KCNQ5: variants seen among roughly 807,000 people sequenced by gnomAD.
KCNQ5 encodes the protein potassium voltage-gated channel subfamily Q member 5, also known as potassium voltage-gated channel subfamily KQT member 5.
KCNQ5 carries 30 observed loss-of-function variants against 98.2 expected under a neutral mutation model. The ratio of observed to expected loss-of-function variants is 0.31; its 90% CI spans 0.23 to 0.41. The LOEUF is 0.41. Among genes scored for constraint, KCNQ5 ranks in the 10% least tolerant of loss-of-function variants. KCNQ5 has a pLI of 1.00. For synonymous variants in KCNQ5, 458 were observed against 449.4 expected (o/e 1.02, Z -0.24); for missense variants, 835 against 1,182.5 (o/e 0.71, Z 4.31).
chr6:72,766,913 G>T (rs187981858), intron 1 of KCNQ5, among the ~76,000 whole-genome samples: 1 of 151,932 alleles, frequency 6.6e-6, no homozygotes, highest in Non-Finnish European at 1.5e-5. Flanking sequence ...ACAGCATAAA[G>T]ATGGTATTTA....
At chr6:73,117,397 A>AT (rs909676808) in intron 7 of KCNQ5, among the ~76,000 whole-genome samples, 2 of 152,216 alleles carry the variant, frequency 1.3e-5, no homozygotes, top group African/African-American at 4.8e-5. Flanking sequence ...TTTAAAAGGC[A>AT]TTTTTGGGAG....
intron 1 of KCNQ5, among the ~76,000 whole-genome samples, chr6:72,786,735 G>A (rs895212568): frequency 2.5e-4 from 38 of 152,214 alleles, no homozygotes; most frequent in African/African-American, 7.5e-4. Flanking sequence ...GGCCGGGCGC[G>A]GTGGCTCACG....
intron 1 of KCNQ5, among the ~76,000 whole-genome samples, chr6:72,682,989 T>C (rs553599860): frequency 1.4e-4 from 22 of 152,334 alleles, no homozygotes; most frequent in African/African-American, 5.1e-4. Context: ...GAGGACAGCT[T>C]CTTTAAGGAT....
intron 1 of KCNQ5, among the ~76,000 whole-genome samples, chr6:72,924,242 G>T (rs953433416): frequency 3.3e-5 from 5 of 152,086 alleles, no homozygotes; most frequent in Admixed American, 2.0e-4. Context: ...GTGAACTCAT[G>T]ACAGATTTTT....
chr6:72,825,193 T>C (rs950758569), intron 1 of KCNQ5, among the ~76,000 whole-genome samples: 1 of 151,948 alleles, frequency 6.6e-6, no homozygotes, highest in Admixed American at 6.6e-5. Flanking sequence ...GGGCTGTCTT[T>C]TCCCCCTTCA....
At position 73,194,509 on chromosome 6, in the gene KCNQ5, C is replaced by G; in HGVS notation, c.1894C>G (p.Arg632Gly). 3 of 1,614,162 alleles carry G rather than the reference C, an allele frequency of 1.9e-6. No homozygotes were observed. The highest frequency in any genetic ancestry group is 2.5e-6 in the Non-Finnish European group (3 of 1,179,996). Reference sequence around the variant, plus strand: ...ACTAGACATCTATCAACAGGTCCTTCGGAAAGGCTCTGCCTCAGCCCTCGC... The same window carrying G: ...ACTAGACATCTATCAACAGGTCCTTGGGAAAGGCTCTGCCTCAGCCCTCGC... ...CLLDIYQQVL[R>G]KGSASALALA... The change falls in exon 14 of 14, where the codon CGG becomes GGG. Residue 632 changes from arginine (R) to glycine (G), a missense_variant. Arg to Gly is a moderately radical substitution (Grantham distance 125). This residue lies in a region of KCNQ5 where 416 missense variants were observed against 446.9 expected (regional missense o/e 0.93). Coordinates refer to ENST00000370398, the MANE Select transcript of KCNQ5 (RefSeq NM_019842.4).
At chr6:72,772,663 C>G (rs1356718483) in intron 1 of KCNQ5, among the ~76,000 whole-genome samples, 4 of 152,126 alleles carry the variant, frequency 2.6e-5, no homozygotes, top group Non-Finnish European at 5.9e-5. Flanking sequence ...TTCACTAAAT[C>G]CCACAAGATG....
chr6:72,770,754 ATT>A (rs1772828789), intron 1 of KCNQ5, among the ~76,000 whole-genome samples: 1 of 152,136 alleles, frequency 6.6e-6, no homozygotes, highest in South Asian at 2.1e-4. Flanking sequence ...TAGTTTTATC[ATT>A]TTCAGTTGTA....
At chr6:72,838,646 C>T (rs910433726) in intron 1 of KCNQ5, among the ~76,000 whole-genome samples, 1 of 152,056 alleles carries the variant, frequency 6.6e-6, no homozygotes, top group South Asian at 2.1e-4. Context: ...ATTCTCTAGA[C>T]GTCTGTTAGA....
chr6:72,808,166 A>G (rs769028451), intron 1 of KCNQ5, among the ~76,000 whole-genome samples: 3 of 152,190 alleles, frequency 2.0e-5, no homozygotes, highest in Admixed American at 6.6e-5. Flanking sequence ...GGCAAAGGAA[A>G]TGGAGAGAAG....
chr6:72,856,711 T>C (rs1319335223), intron 1 of KCNQ5, among the ~76,000 whole-genome samples: 1 of 152,216 alleles, frequency 6.6e-6, no homozygotes, highest in African/African-American at 2.4e-5. Context: ...TTTAAAAAAT[T>C]ATCTAATGAC....
At chr6:73,168,996 T>C (rs1182161391) in intron 10 of KCNQ5, among the ~76,000 whole-genome samples, 1 of 152,218 alleles carries the variant, frequency 6.6e-6, no homozygotes, top group East Asian at 1.9e-4. Context: ...CTATCCTCCA[T>C]CACAGGAATT....
intron 5 of KCNQ5, among the ~76,000 whole-genome samples, chr6:73,091,149 AG>A (rs1431925195): frequency 6.6e-6 from 1 of 152,238 alleles, no homozygotes; most frequent in Non-Finnish European, 1.5e-5. Flanking sequence ...GCCATAAAAA[AG>A]GATGAGTTCA....
intron 13 of KCNQ5, among the ~76,000 whole-genome samples, chr6:73,193,516 T>C (rs1339489827): frequency 1.5e-5 from 2 of 133,304 alleles, no homozygotes; most frequent in Non-Finnish European, 3.3e-5. Flanking sequence ...AAATATAAAA[T>C]AAATAAAAAT....
chr6:72,969,172 C>G (rs915712920), intron 1 of KCNQ5, among the ~76,000 whole-genome samples: 3 of 152,140 alleles, frequency 2.0e-5, no homozygotes, highest in Non-Finnish European at 4.4e-5. Context: ...TATATGTTTA[C>G]AACCAAATTT....
chr6:72,677,817 G>T (rs1490205572), intron 1 of KCNQ5, among the ~76,000 whole-genome samples: 1 of 152,256 alleles, frequency 6.6e-6, no homozygotes, highest in Admixed American at 6.5e-5. Flanking sequence ...AACATACAAA[G>T]TTGAGTGAGC....
intron 1 of KCNQ5, among the ~76,000 whole-genome samples, chr6:72,831,220 C>T (rs551714297): frequency 3.3e-5 from 5 of 152,320 alleles, no homozygotes; most frequent in African/African-American, 9.6e-5. Flanking sequence ...CCAGCCATCC[C>T]ATTACTGGGT....
chr6:73,132,165 G>A (rs1029169311), intron 9 of KCNQ5, among the ~76,000 whole-genome samples: 10 of 152,186 alleles, frequency 6.6e-5, no homozygotes, highest in Admixed American at 2.0e-4. Context: ...GGACATTGCG[G>A]TAAGTGGACA....
chr6:72,652,992 A>G (rs561423596), intron 1 of KCNQ5, among the ~76,000 whole-genome samples: 2 of 152,236 alleles, frequency 1.3e-5, no homozygotes, highest in Admixed American at 1.3e-4. Flanking sequence ...TCCCTATTTC[A>G]GTTGGTACCA....
Sources: allele counts gnomAD v4.1 joint callset (sites outside exome capture counted in the v4.1 genomes callset), GRCh38; gene constraint gnomAD v4.1.1; regional missense constraint gnomAD v4.1.1; transcripts MANE v1.5; gene names NCBI Gene and HGNC (gene_info 2026-07-23, HGNC 2026-07-21).